The following SGCZ variants were observed in gnomAD, a reference collection of about 807,000 sequenced individuals.
The protein encoded by SGCZ is sarcoglycan zeta, also known as zeta-sarcoglycan.
SGCZ carries 40 observed loss-of-function variants against 41.3 expected under a neutral mutation model. That is an observed-to-expected ratio of 0.97 (90% CI 0.75 to 1.26). The LOEUF is 1.26. Among genes scored for constraint, SGCZ ranks in the 50% most tolerant of loss-of-function variants. The probability of loss-of-function intolerance (pLI) is 0.00; values close to 1 mark genes in which losing one functional copy is unlikely to be tolerated. For missense variants in SGCZ, 552 were observed against 369.8 expected (o/e 1.49, Z -4.04); for synonymous variants, 206 against 137.5 (o/e 1.50, Z -3.49).
rs139865631 is a variant in SGCZ at position 14,227,007 on chromosome 8, T to C, written c.424+10585A>G. Among the ~76,000 whole-genome samples the C allele has an allele frequency of 2.2e-3, 332 of 152,200 alleles. 1 individual carries two copies. Among genetic ancestry groups the C allele is most frequent in the African/African-American group, 6.6e-3 (276 of 41,566 alleles). On this transcript the variant is annotated intron_variant, in intron 4 of 7. Coordinates refer to ENST00000382080, the MANE Select transcript of SGCZ (RefSeq NM_139167.4). ...CCAGATACATTTACCTATAATACTC[T>C]AGTGTGCTTTAGGTAGCTGATAGAT...
intron 4 of SGCZ, among the ~76,000 whole-genome samples, chr8:14,225,763 C>G (rs758105075): frequency 6.6e-6 from 1 of 151,982 alleles, no homozygotes; most frequent in Admixed American, 6.6e-5. Context: ...GCCACCTCAA[C>G]TGGAAATTAT....
At chr8:15,040,103 C>T (rs775301894) in intron 1 of SGCZ, among the ~76,000 whole-genome samples, 2 of 152,228 alleles carry the variant, frequency 1.3e-5, no homozygotes, top group African/African-American at 4.8e-5. Flanking sequence ...AGCTATTACA[C>T]AAGACCATGA....
chr8:14,715,143 G>T (rs1162475319), intron 1 of SGCZ, among the ~76,000 whole-genome samples: 2 of 152,130 alleles, frequency 1.3e-5, no homozygotes, highest in Non-Finnish European at 2.9e-5. Context: ...TGGAAAATAA[G>T]TAGTTTGACC....
At chr8:14,178,840 T>C (rs910040297) in intron 4 of SGCZ, among the ~76,000 whole-genome samples, 3 of 152,226 alleles carry the variant, frequency 2.0e-5, no homozygotes, top group African/African-American at 7.2e-5. Flanking sequence ...TTTTATGTAC[T>C]TCAAAAGCTT....
intron 5 of SGCZ, among the ~76,000 whole-genome samples, chr8:14,111,000 G>C: frequency 6.6e-6 from 1 of 152,024 alleles, no homozygotes. Context: ...GTTGCAGTGA[G>C]CTGAGATTGC....
At chr8:15,056,281 A>G (rs933118324) in intron 1 of SGCZ, among the ~76,000 whole-genome samples, 2 of 152,220 alleles carry the variant, frequency 1.3e-5, no homozygotes, top group African/African-American at 2.4e-5. Context: ...CTTTGCTGAC[A>G]TAAGATAATA....
chr8:14,859,377 C>T (rs1473224032), intron 1 of SGCZ, among the ~76,000 whole-genome samples: 1 of 151,810 alleles, frequency 6.6e-6, no homozygotes, highest in Non-Finnish European at 1.5e-5. Context: ...AACTTTTGTA[C>T]TGTCATTGAA....
At chr8:14,736,551 T>G (rs1362679870) in intron 1 of SGCZ, among the ~76,000 whole-genome samples, 1 of 152,040 alleles carries the variant, frequency 6.6e-6, no homozygotes, top group Non-Finnish European at 1.5e-5. Context: ...CAGTGGTGAT[T>G]TGTAAGATCC....
intron 3 of SGCZ, among the ~76,000 whole-genome samples, chr8:14,290,329 T>C (rs77096538): frequency 2.0e-4 from 2 of 10,060 alleles, no homozygotes; most frequent in African/African-American, 4.2e-4. Context: ...AAAGAAAATA[T>C]AGACACATGA....
At chr8:14,242,571 T>C (rs1272127601) in intron 3 of SGCZ, among the ~76,000 whole-genome samples, 1 of 152,178 alleles carries the variant, frequency 6.6e-6, no homozygotes, top group Non-Finnish European at 1.5e-5. Context: ...AGACAACATA[T>C]GCAAAATGCA....
chr8:15,046,506 G>T (rs1313008899), intron 1 of SGCZ, among the ~76,000 whole-genome samples: 1 of 151,960 alleles, frequency 6.6e-6, no homozygotes, highest in Non-Finnish European at 1.5e-5. Flanking sequence ...GCCTCTGCCA[G>T]TTTGCAGTGT....
intron 1 of SGCZ, among the ~76,000 whole-genome samples, chr8:14,917,587 C>A (rs1358523026): frequency 2.6e-5 from 4 of 151,984 alleles, no homozygotes; most frequent in Non-Finnish European, 5.9e-5. Context: ...AGCAAAGAAC[C>A]TCTTATTAGA....
chr8:14,404,216 C>T (rs900914495), intron 2 of SGCZ, among the ~76,000 whole-genome samples: 1 of 152,232 alleles, frequency 6.6e-6, no homozygotes, highest in African/African-American at 2.4e-5. Context: ...TTGTCAAGTG[C>T]AATTTGTTTT....
chr8:15,162,385 T>C (rs1799536014), intron 1 of SGCZ, among the ~76,000 whole-genome samples: 1 of 152,154 alleles, frequency 6.6e-6, no homozygotes, highest in African/African-American at 2.4e-5. Flanking sequence ...GAGAATGGCA[T>C]TTAAATTTTA....
At chr8:14,896,940 C>G (rs1343139525) in intron 1 of SGCZ, among the ~76,000 whole-genome samples, 1 of 151,966 alleles carries the variant, frequency 6.6e-6, no homozygotes, top group East Asian at 1.9e-4. Context: ...CGCCACCAGG[C>G]CCAACTAATT....
intron 2 of SGCZ, among the ~76,000 whole-genome samples, chr8:14,496,712 C>G (rs984271092): frequency 6.6e-6 from 1 of 151,884 alleles, no homozygotes; most frequent in Non-Finnish European, 1.5e-5. Context: ...TTATTTAATT[C>G]TTTTATTCCT....
intron 1 of SGCZ, among the ~76,000 whole-genome samples, chr8:14,696,326 A>G (rs181649177): frequency 5.7e-4 from 87 of 152,228 alleles, no homozygotes; most frequent in Non-Finnish European, 9.0e-4. Flanking sequence ...AGATGTTTAC[A>G]CTGAACGCAA....
chr8:14,885,738 G>A (rs1268132749), intron 1 of SGCZ, among the ~76,000 whole-genome samples: 2 of 151,882 alleles, frequency 1.3e-5, no homozygotes, highest in Middle Eastern at 3.2e-3. Flanking sequence ...GCAAATGTCA[G>A]GGTTATTTTG....
intron 1 of SGCZ, among the ~76,000 whole-genome samples, chr8:14,848,543 T>C (rs1411616185): frequency 6.6e-6 from 1 of 152,170 alleles, no homozygotes; most frequent in Non-Finnish European, 1.5e-5. Context: ...AGATTAGATA[T>C]AGACCCACAC....
Sources: allele counts gnomAD v4.1 joint callset (sites outside exome capture counted in the v4.1 genomes callset), GRCh38; gene constraint gnomAD v4.1.1; transcripts MANE v1.5; gene names NCBI Gene and HGNC (gene_info 2026-07-23, HGNC 2026-07-21).